Variants in BACH2 observed in about 807,000 individuals in gnomAD.
BACH2 encodes the protein transcription regulator protein BACH2.
Under a neutral mutation model 61.8 loss-of-function variants are expected in BACH2, and 5 were observed. That is an observed-to-expected ratio of 0.08 (90% CI 0.04 to 0.17). The LOEUF (loss-of-function observed/expected upper bound fraction) is 0.17, where lower values mean the gene tolerates loss of function less well. Among genes scored for constraint, BACH2 ranks in the 10% least tolerant of loss-of-function variants. BACH2 has a pLI of 1.00. For synonymous variants in BACH2, 446 were observed against 440.1 expected, an observed-to-expected ratio of 1.01 and a Z score of -0.17; for missense variants, 824 against 1,091.1, an observed-to-expected ratio of 0.76 and a Z score of 3.45.
intron 5 of BACH2, among the ~76,000 whole-genome samples, chr6:90,013,256 G>A (rs564364549): frequency 6.6e-6 from 1 of 152,078 alleles, no homozygotes; most frequent in East Asian, 1.9e-4. Flanking sequence ...TAATTTTAAT[G>A]TCTTTTTCTT....
At chr6:90,236,106 T>C (rs1770253198) in intron 3 of BACH2, among the ~76,000 whole-genome samples, 1 of 152,272 alleles carries the variant, frequency 6.6e-6, no homozygotes, top group Non-Finnish European at 1.5e-5. Flanking sequence ...ACTAACTAAA[T>C]GCAGTGTCTC....
chr6:89,966,672 C>T (rs901909593), intron 6 of BACH2, among the ~76,000 whole-genome samples: 3 of 152,278 alleles, frequency 2.0e-5, no homozygotes, highest in South Asian at 2.1e-4. Flanking sequence ...AAACGGGAGC[C>T]GATACCATCT....
Position 89,931,249 on chromosome 6 carries a change from A to T in BACH2, c.*1159T>A, listed in dbSNP as rs1162921855. On this transcript the variant is annotated 3_prime_UTR_variant, in exon 9 of 9. Transcript: ENST00000257749. ...AGTGAGATGTCCAAACTCTCTCCCC[A>T]CTTAGGAATCTGAACATCCAGCATC... The T allele has an allele frequency of 6.6e-6, 1 of 152,304 alleles. No homozygotes were observed. The highest frequency in any genetic ancestry group is 1.5e-5 in the Non-Finnish European group (1 of 68,040). The allele number at this position is 152,304 out of a possible 1,614,324, so 9.4% of individuals were successfully genotyped here.
intron 4 of BACH2, among the ~76,000 whole-genome samples, chr6:90,149,996 G>A (rs61480410): frequency 0.028 from 4,236 of 152,228 alleles, 95 homozygotes; most frequent in East Asian, 0.089. Flanking sequence ...CAGAAACCAA[G>A]ACATGATTAC....
intron 4 of BACH2, among the ~76,000 whole-genome samples, chr6:90,162,034 G>A (rs911918618): frequency 3.3e-5 from 5 of 151,968 alleles, no homozygotes; most frequent in African/African-American, 9.7e-5. Context: ...GCCCTGAGCC[G>A]GACCCAACAA....
intron 6 of BACH2, among the ~76,000 whole-genome samples, chr6:89,989,934 G>A (rs1446264709): frequency 6.6e-6 from 1 of 152,144 alleles, no homozygotes; most frequent in Non-Finnish European, 1.5e-5. Context: ...CTCATGCGTG[G>A]GGCATAGAAG....
intron 4 of BACH2, among the ~76,000 whole-genome samples, chr6:90,170,531 A>C (rs1220175579): frequency 6.6e-6 from 1 of 152,206 alleles, no homozygotes; most frequent in African/African-American, 2.4e-5. Flanking sequence ...CTGATTCTTA[A>C]AGACCTTTTT....
At chr6:90,146,281 T>A (rs1039119645) in intron 4 of BACH2, among the ~76,000 whole-genome samples, 1 of 152,236 alleles carries the variant, frequency 6.6e-6, no homozygotes, top group African/African-American at 2.4e-5. Context: ...CTGATTCCTA[T>A]GGCTTGCCTT....
intron 5 of BACH2, among the ~76,000 whole-genome samples, chr6:90,074,744 C>A (rs1781395547): frequency 6.6e-6 from 1 of 152,062 alleles, no homozygotes; most frequent in South Asian, 2.1e-4. Context: ...ATGGCGGGAT[C>A]ATTAATGGGA....
chr6:90,050,258 T>C (rs920388867), intron 5 of BACH2, among the ~76,000 whole-genome samples: 2 of 152,222 alleles, frequency 1.3e-5, no homozygotes, highest in Admixed American at 6.5e-5. Context: ...GGTAAAAGAT[T>C]TGATGTGCAA....
intron 5 of BACH2, among the ~76,000 whole-genome samples, chr6:90,084,766 T>C (rs892275106): frequency 6.6e-6 from 1 of 152,138 alleles, no homozygotes; most frequent in East Asian, 1.9e-4. Context: ...CAAAATTATA[T>C]ATAATGGTTC....
Position 89,932,216 on chromosome 6 carries a change from T to C in BACH2, c.*192A>G. On this transcript the variant is annotated 3_prime_UTR_variant, in exon 9 of 9. Transcript: ENST00000257749. Reference sequence around the variant, plus strand: ...CTTGCCTGGGCAAGGGGTAGCACCATTGTGAAGGTAACTATCACTCCTGCT... The same window carrying C: ...CTTGCCTGGGCAAGGGGTAGCACCACTGTGAAGGTAACTATCACTCCTGCT... The C allele has an allele frequency of 1.4e-6, 1 of 731,828 alleles. No homozygotes were observed. The highest frequency in any genetic ancestry group is 1.9e-5 in the South Asian group (1 of 53,488). The allele number at this position is 731,828 out of a possible 1,614,324, so 45.3% of individuals were successfully genotyped here.
At chr6:90,147,873 C>A (rs1784677982) in intron 4 of BACH2, among the ~76,000 whole-genome samples, 1 of 152,060 alleles carries the variant, frequency 6.6e-6, no homozygotes, top group African/African-American at 2.4e-5. Context: ...AATACTCTAT[C>A]TAGAATGGCA....
intron 5 of BACH2, among the ~76,000 whole-genome samples, chr6:90,019,623 A>G (rs1369460463): frequency 5.9e-5 from 9 of 152,186 alleles, no homozygotes; most frequent in Admixed American, 5.9e-4. Context: ...GAGAGAAGCT[A>G]GTTTTCTTTG....
intron 5 of BACH2, among the ~76,000 whole-genome samples, chr6:90,064,216 A>G (rs1377547644): frequency 6.6e-6 from 1 of 152,180 alleles, no homozygotes; most frequent in Non-Finnish European, 1.5e-5. Context: ...ACAACTTGGC[A>G]CCTTGTGAAT....
At chr6:90,102,172 T>C (rs1782656566) in intron 4 of BACH2, among the ~76,000 whole-genome samples, 1 of 152,166 alleles carries the variant, frequency 6.6e-6, no homozygotes, top group South Asian at 2.1e-4. Context: ...TACTATTATT[T>C]GTCCCCTTCC....
chr6:90,219,626 G>A (rs1048045472), intron 3 of BACH2, among the ~76,000 whole-genome samples: 3 of 152,132 alleles, frequency 2.0e-5, no homozygotes, highest in Admixed American at 6.5e-5. Flanking sequence ...TTTACCATCC[G>A]CGGAATCTGT....
chr6:90,147,245 C>A (rs180996892), intron 4 of BACH2, among the ~76,000 whole-genome samples: 66 of 152,298 alleles, frequency 4.3e-4, no homozygotes, highest in African/African-American at 1.1e-3. Flanking sequence ...TGAGGAAGCA[C>A]CCTTTTCACC....
chr6:90,115,191 GA>G (rs1198638226), intron 4 of BACH2, among the ~76,000 whole-genome samples: 7 of 151,800 alleles, frequency 4.6e-5, no homozygotes, highest in African/African-American at 1.7e-4. Context: ...TATGTGGAAC[GA>G]AAAAAGAGCC....
Sources: allele counts gnomAD v4.1 joint callset (sites outside exome capture counted in the v4.1 genomes callset), GRCh38; gene constraint gnomAD v4.1.1; transcripts MANE v1.5; gene names NCBI Gene and HGNC (gene_info 2026-07-23, HGNC 2026-07-21).